DPYD: variants seen among roughly 807,000 people sequenced by gnomAD.
The protein encoded by DPYD is dihydropyrimidine dehydrogenase, also known as dihydropyrimidine dehydrogenase [NADP(+)].
DPYD carries 109 observed loss-of-function variants against 116.2 expected under a neutral mutation model. The ratio of observed to expected loss-of-function variants is 0.94; its 90% CI spans 0.80 to 1.10. The LOEUF is 1.10. DPYD is among the 50% of genes least tolerant of loss of function. The pLI, the probability that DPYD is intolerant of heterozygous loss-of-function variation, is 0.00. For missense variants in DPYD, 1,302 were observed against 1,254.5 expected, an observed-to-expected ratio of 1.04 and a Z score of -0.57; for synonymous variants, 440 against 432.0, an observed-to-expected ratio of 1.02 and a Z score of -0.23.
At chr1:97,704,734 T>C (rs1466446608) in intron 5 of DPYD, among the ~76,000 whole-genome samples, 1 of 152,008 alleles carries the variant, frequency 6.6e-6, no homozygotes, top group African/African-American at 2.4e-5. Flanking sequence ...ATTTGGCTCT[T>C]TCGGTGAGAA....
chr1:97,310,291 C>T (rs1667426679), intron 16 of DPYD, among the ~76,000 whole-genome samples: 1 of 151,694 alleles, frequency 6.6e-6, no homozygotes, highest in African/African-American at 2.4e-5. Context: ...AGAACTGGGG[C>T]CCAGAAGATC....
intron 19 of DPYD, among the ~76,000 whole-genome samples, chr1:97,198,564 C>T (rs2101838130): frequency 6.6e-6 from 1 of 152,250 alleles, no homozygotes; most frequent in South Asian, 2.1e-4. Context: ...CATTGAGGGC[C>T]TTATCGCTAT....
intron 19 of DPYD, among the ~76,000 whole-genome samples, chr1:97,212,213 A>T (rs1660078906): frequency 6.6e-6 from 1 of 152,120 alleles, no homozygotes; most frequent in South Asian, 2.1e-4. Flanking sequence ...ATCCTTTAGC[A>T]GCCACTGTTC....
intron 2 of DPYD, among the ~76,000 whole-genome samples, chr1:97,876,957 T>C (rs192286430): frequency 1.3e-5 from 2 of 152,020 alleles, no homozygotes; most frequent in Admixed American, 1.3e-4. Context: ...AAAAGCAAAG[T>C]GAAGGGCCCA....
intron 12 of DPYD, among the ~76,000 whole-genome samples, chr1:97,543,937 T>C (rs1267148905): frequency 6.6e-6 from 1 of 152,012 alleles, no homozygotes; most frequent in Non-Finnish European, 1.5e-5. Flanking sequence ...GAAGGACAAG[T>C]GGGACTCAAC....
At chr1:97,264,831 C>A (rs961133198) in intron 18 of DPYD, among the ~76,000 whole-genome samples, 4 of 152,108 alleles carry the variant, frequency 2.6e-5, no homozygotes, top group Non-Finnish European at 5.9e-5. Context: ...ATCCACACAT[C>A]AGATATTTCT....
intron 8 of DPYD, among the ~76,000 whole-genome samples, chr1:97,638,092 G>C (rs1049069089): frequency 6.6e-6 from 1 of 152,102 alleles, no homozygotes; most frequent in African/African-American, 2.4e-5. Flanking sequence ...GACAAGTCTA[G>C]AACTTGTGTT....
rs1166850985 is a variant in DPYD, at chr1:97,210,108, G to A, written c.2443-16860C>T. 5.3e-5 allele frequency among the ~76,000 whole-genome samples: 8 copies of A among 152,174 alleles called. No individual in the cohort carries two copies. The East Asian group carries it at 1.4e-3, about 26-fold the overall frequency. ...GTTTAAAAGTTTTCAAAAGACTGAT[G>A]AGCCACAAAAATATTAAATGTGTAG... On this transcript the variant is annotated intron_variant, in intron 19 of 22. Transcript: ENST00000370192.
intron 2 of DPYD, among the ~76,000 whole-genome samples, chr1:97,865,224 A>G (rs1671317838): frequency 1.3e-5 from 2 of 151,934 alleles, no homozygotes; most frequent in Admixed American, 1.3e-4. Flanking sequence ...ATTTAAAATA[A>G]ACAGCTCTAA....
At chr1:97,749,119 T>C (rs543914793) in intron 3 of DPYD, among the ~76,000 whole-genome samples, 1 of 152,318 alleles carries the variant, frequency 6.6e-6, no homozygotes, top group South Asian at 2.1e-4. Context: ...CCTTTCTCAA[T>C]TGTTATCTAA....
rs113854460 is a variant in DPYD, at chr1:97,728,461, A to G, written c.322-6790T>C. Reference sequence around the variant, plus strand: ...CCAAAGTCATTATCAAGAAATGGAAAACTCACAAGCCGCTACCCTGTCATA... The same window carrying G: ...CCAAAGTCATTATCAAGAAATGGAAGACTCACAAGCCGCTACCCTGTCATA... On this transcript the variant is annotated intron_variant, in intron 4 of 22. Transcript: ENST00000370192. 8.3e-3 allele frequency among the ~76,000 whole-genome samples: 1,257 copies of G among 152,224 alleles called. 18 individuals carry two copies. The highest frequency in any genetic ancestry group is 0.029 in the African/African-American group (1,189 of 41,570).
chr1:97,186,579 T>C (rs1008649436), intron 20 of DPYD, among the ~76,000 whole-genome samples: 46 of 152,218 alleles, frequency 3.0e-4, no homozygotes, highest in African/African-American at 1.1e-3. Flanking sequence ...GAGGGCACAG[T>C]GGCTCATGCT....
chr1:97,499,453 A>G (rs548535312), intron 13 of DPYD, among the ~76,000 whole-genome samples: 3 of 151,848 alleles, frequency 2.0e-5, no homozygotes, highest in Non-Finnish European at 4.4e-5. Flanking sequence ...TACTATGCAT[A>G]TATCTCCAAG....
chr1:97,240,070 T>C (rs996245312), intron 18 of DPYD, among the ~76,000 whole-genome samples: 4 of 152,006 alleles, frequency 2.6e-5, no homozygotes, highest in Non-Finnish European at 4.4e-5. Context: ...AAAAGCATGA[T>C]GCCTATGATG....
chr1:97,636,470 G>C (rs1192479422), intron 8 of DPYD, among the ~76,000 whole-genome samples: 1 of 151,892 alleles, frequency 6.6e-6, no homozygotes, highest in Admixed American at 6.6e-5. Flanking sequence ...ATAAAATATA[G>C]ATAAAAATCC....
intron 2 of DPYD, among the ~76,000 whole-genome samples, chr1:97,874,071 T>C (rs566810138): frequency 9.2e-5 from 14 of 152,106 alleles, no homozygotes; most frequent in Middle Eastern, 3.4e-3. Context: ...TTAGTTATTA[T>C]AAACAGCCTG....
Position 97,295,064 on chromosome 1 carries a change from A to G in DPYD, c.2299+10195T>C, listed in dbSNP as rs1262646006. 4.9e-4 allele frequency among the ~76,000 whole-genome samples: 74 copies of G among 152,202 alleles called. 1 individual carries two copies. Among genetic ancestry groups the G allele is most frequent in the Non-Finnish European group, 7.3e-5 (5 of 68,028 alleles). On this transcript the variant is annotated intron_variant, in intron 18 of 22. Coordinates refer to ENST00000370192, the MANE Select transcript of DPYD (RefSeq NM_000110.4). ...TATTAATAAAAATGCCTAAAAGTTC[A>G]TTTTGGAGAAAGATCTGAGTATGAA...
At chr1:97,794,081 G>C (rs756363399) in intron 3 of DPYD, among the ~76,000 whole-genome samples, 8 of 152,070 alleles carry the variant, frequency 5.3e-5, no homozygotes, top group Admixed American at 1.3e-4. Flanking sequence ...GGGACTACAG[G>C]CATGCGCCAC....
intron 20 of DPYD, among the ~76,000 whole-genome samples, chr1:97,155,149 C>T (rs895027128): frequency 6.6e-6 from 1 of 152,136 alleles, no homozygotes; most frequent in Non-Finnish European, 1.5e-5. Flanking sequence ...AGCAGACAGA[C>T]TTGGGCTTGC....
Sources: gnomAD v4.1 joint callset for allele counts (sites outside exome capture counted in the v4.1 genomes callset) on GRCh38, gnomAD v4.1.1 for gene constraint, MANE v1.5 for transcripts, NCBI Gene and HGNC (gene_info 2026-07-23, HGNC 2026-07-21) for gene names.